MAP3K15: variants seen among roughly 807,000 people sequenced by gnomAD.
MAP3K15 encodes the protein MAPK/ERK kinase kinase 15.
A neutral mutation model predicts 99.5 loss-of-function variants in MAP3K15; 124 were observed. The ratio of observed to expected loss-of-function variants is 1.25; its 90% CI spans 1.08 to 1.45. MAP3K15 has a LOEUF of 1.45. Among genes scored for constraint, MAP3K15 ranks in the 40% most tolerant of loss-of-function variants. The pLI is 0.00. For missense variants in MAP3K15, 1,242 were observed against 1,079.7 expected (o/e 1.15, Z -2.11); for synonymous variants, 494 against 439.6 (o/e 1.12, Z -1.55).
chrX:19,402,118 G>A (rs1053529165), intron 13 of MAP3K15, among the ~76,000 whole-genome samples: 1 of 99,892 alleles, frequency 1.0e-5, no homozygotes, highest in Non-Finnish European at 1.9e-5. Context: ...CCGAAACCCC[G>A]TTTCTACAAT....
intron 4 of MAP3K15, among the ~76,000 whole-genome samples, chrX:19,462,770 A>AGCTGG (rs2064141015): frequency 8.9e-6 from 1 of 111,944 alleles, no homozygotes; most frequent in Admixed American, 9.5e-5. Context: ...AATCTATCAG[A>AGCTGG]GCTGGCGCTT....
At chrX:19,471,514 G>A (rs966941408) in intron 3 of MAP3K15, among the ~76,000 whole-genome samples, 15 of 110,926 alleles carry the variant, frequency 1.4e-4, no homozygotes, top group East Asian at 2.9e-4. Flanking sequence ...CACCCACCTC[G>A]GTCTCCCAAA....
At chrX:19,511,380 G>T (rs1232305646) in intron 1 of MAP3K15, among the ~76,000 whole-genome samples, 1 of 111,783 alleles carries the variant, frequency 8.9e-6, no homozygotes, top group Non-Finnish European at 1.9e-5. Context: ...AGAGTGAACA[G>T]GCAACCTACA....
chrX:19,433,135 T>C (rs904922925), intron 6 of MAP3K15, among the ~76,000 whole-genome samples: 1 of 111,730 alleles, frequency 9.0e-6, no homozygotes, highest in Admixed American at 9.6e-5. Context: ...GGAACAAAAT[T>C]GGCCATGCAA....
chrX:19,486,094 G>A (rs775469666), intron 3 of MAP3K15, among the ~76,000 whole-genome samples: 3 of 111,374 alleles, frequency 2.7e-5, no homozygotes, highest in South Asian at 3.8e-4. Flanking sequence ...ACAACTTCAC[G>A]TTCCTCCATC....
chrX:19,376,454 C>G (rs187683932), intron 19 of MAP3K15, among the ~76,000 whole-genome samples: 1 of 109,666 alleles, frequency 9.1e-6, no homozygotes, highest in Admixed American at 9.8e-5. Flanking sequence ...CCCCCACCCC[C>G]CAACTTTTTG....
Position 19,373,665 on chromosome X carries a change from G to A in MAP3K15, c.2804C>T (p.Pro935Leu), listed in dbSNP as rs1393243645. The change falls in exon 21 of 29, where the codon CCC becomes CTC. Residue 935 changes from proline (P) to leucine (L), a missense_variant. Coordinates refer to ENST00000338883, the MANE Select transcript of MAP3K15 (RefSeq NM_001001671.4). ...GGTGGCCATGGGCTCTCCCTGTGTG[G>A]GCAGGGCCAGGACGACACCGCGGGG... ...EGPRGVVLAL[P>L]TQGEPMATSS... The A allele has an allele frequency of 8.3e-7, 1 of 1,200,997 alleles. No individual in the cohort carries two copies.
At chrX:19,371,970 T>C (rs779314150) in intron 22 of MAP3K15, among the ~76,000 whole-genome samples, 12 of 109,428 alleles carry the variant, frequency 1.1e-4, no homozygotes, top group Admixed American at 2.9e-4. Flanking sequence ...CCATCTCTAC[T>C]AAAAATACAG....
Position 19,374,629 on chromosome X carries a change from G to A in MAP3K15, c.2621C>T (p.Pro874Leu). ...TCGGGCTTCAGCTGAAAGGGCTTCT[G>A]GAATCTCAGGGTGGATCTTAAACAT... is the stretch of plus-strand genomic sequence containing the variant. ...VGMFKIHPEI[P>L]EALSAEARAF... is the part of the protein sequence containing the mutation. The change falls in exon 20 of 29, where the codon CCA becomes CTA. Residue 874 changes from proline (P) to leucine (L), a missense_variant. By Grantham distance (98) the Pro-to-Leu change is moderately conservative. Transcript: ENST00000338883. The A allele has an allele frequency of 8.3e-7, 1 of 1,211,077 alleles. No homozygotes were observed. The highest frequency in any genetic ancestry group is 1.1e-6 in the Non-Finnish European group (1 of 895,172).
At chrX:19,424,219 CACATATATGTACACACATATATAT>C (rs1411492024) in intron 9 of MAP3K15, among the ~76,000 whole-genome samples, 3 of 103,487 alleles carry the variant, frequency 2.9e-5, no homozygotes, top group African/African-American at 1.2e-4. Flanking sequence ...CATATATACA[CACATATATGTACACACATATATAT>C]ACATATATAT....
intron 18 of MAP3K15, among the ~76,000 whole-genome samples, chrX:19,385,006 C>G (rs2063485953): frequency 9.0e-6 from 1 of 111,367 alleles, no homozygotes; most frequent in Non-Finnish European, 1.9e-5. Context: ...TGGTGAACAG[C>G]ACTCTTTCTA....
At chrX:19,499,710 CA>C (rs2064428951) in intron 1 of MAP3K15, among the ~76,000 whole-genome samples, 1 of 111,814 alleles carries the variant, frequency 8.9e-6, no homozygotes, top group African/African-American at 3.2e-5. Flanking sequence ...TGTATGAGAC[CA>C]TTTAGATGAA....
Position 19,437,392 on chromosome X carries a change from T to A in MAP3K15, c.996-5784A>T, listed in dbSNP as rs187123015. 4.7e-4 allele frequency among the ~76,000 whole-genome samples: 53 copies of A among 111,702 alleles called. No homozygotes were observed. The Admixed American group carries it at 4.9e-3, about 10-fold the overall frequency. On this transcript the variant is annotated intron_variant, in intron 6 of 28. Coordinates refer to ENST00000338883, the MANE Select transcript of MAP3K15 (RefSeq NM_001001671.4). ...TGTAAGGATCTACAAGATGTGGTCCTAGTTATTTCTCCAACCTCATCTCTT... is the reference window on the plus strand; with the variant it reads ...TGTAAGGATCTACAAGATGTGGTCCAAGTTATTTCTCCAACCTCATCTCTT...
At position 19,366,888 on chromosome X, in the gene MAP3K15, A is replaced by G. The variant is rs186549391; in HGVS notation, c.3566+2166T>C. 5.0e-3 allele frequency among the ~76,000 whole-genome samples: 563 copies of G among 111,948 alleles called. 1 individual carries two copies. The highest frequency in any genetic ancestry group is 8.7e-3 in the Non-Finnish European group (464 of 53,152). Reference sequence around the variant, plus strand: ...GAGACTGGAAAATAACACAATGACTATCGACAGTGGAGAGAAATAACCTTC... The same window carrying G: ...GAGACTGGAAAATAACACAATGACTGTCGACAGTGGAGAGAAATAACCTTC... On this transcript the variant is annotated intron_variant, in intron 25 of 28. Transcript: ENST00000338883.
chrX:19,370,125 T>A (rs1434395933), intron 24 of MAP3K15, among the ~76,000 whole-genome samples: 1 of 111,683 alleles, frequency 9.0e-6, no homozygotes, highest in East Asian at 2.8e-4. Flanking sequence ...GGGGAAACCA[T>A]GATGGCGACA....
chrX:19,384,587 C>T (rs752770837), intron 18 of MAP3K15, among the ~76,000 whole-genome samples: 2 of 106,119 alleles, frequency 1.9e-5, no homozygotes, highest in Non-Finnish European at 3.9e-5. Flanking sequence ...TAAAAAAGTA[C>T]AAAAAATTAG....
intron 6 of MAP3K15, among the ~76,000 whole-genome samples, chrX:19,455,057 C>CAT (rs1308054846): frequency 9.0e-6 from 1 of 111,682 alleles, no homozygotes; most frequent in Non-Finnish European, 1.9e-5. Context: ...GATCAGATTA[C>CAT]ATGTGTAAAT....
chrX:19,361,364 C>G lies in MAP3K15; in HGVS notation c.3832G>C (p.Glu1278Gln). 1 of 1,207,915 alleles carries G rather than the reference C, an allele frequency of 8.3e-7. No homozygotes were observed. Among genetic ancestry groups the G allele is most frequent in the Non-Finnish European group, 1.1e-6 (1 of 892,315 alleles). The change falls in exon 28 of 29, where the codon GAA becomes CAA. Residue 1278 changes from glutamate to glutamine, a missense_variant. Glu to Gln is a conservative substitution (Grantham distance 29). Transcript: ENST00000338883. Reference protein sequence around the residue: ...LSDILNEITKEDLRYLRLRGG... With the variant: ...LSDILNEITKQDLRYLRLRGG... ...CGTAGTCGAAGGTATCTTAGATCTT[C>G]CTTAGTGATCTCATTAAGAATATCC...
chrX:19,394,346 ACT>A (rs924516147), intron 16 of MAP3K15, among the ~76,000 whole-genome samples: 1 of 110,804 alleles, frequency 9.0e-6, no homozygotes, highest in Non-Finnish European at 1.9e-5. Flanking sequence ...AGTCATTATT[ACT>A]CCAATTTTAC....
Sources: gnomAD v4.1 joint callset for allele counts (sites outside exome capture counted in the v4.1 genomes callset) on GRCh38, gnomAD v4.1.1 for gene constraint, MANE v1.5 for transcripts, NCBI Gene and HGNC (gene_info 2026-07-23, HGNC 2026-07-21) for gene names.